The following MYO16 variants were observed in gnomAD, a reference collection of about 807,000 sequenced individuals.
MYO16 encodes unconventional myosin-XVI.
Under a neutral mutation model 205.3 loss-of-function variants are expected in MYO16, and 94 were observed. The observed-to-expected ratio is 0.46, with a 90% CI of 0.39 to 0.54. The LOEUF (loss-of-function observed/expected upper bound fraction) is 0.54, where lower values mean the gene tolerates loss of function less well. MYO16 is among the 20% of genes least tolerant of loss of function. The pLI, the probability that MYO16 is intolerant of heterozygous loss-of-function variation, is 0.00. For missense variants in MYO16, 2,315 were observed against 2,387.5 expected (o/e 0.97, Z 0.63); for synonymous variants, 988 against 954.0 (o/e 1.04, Z -0.66).
At chr13:108,906,228 T>C (rs1230107196) in intron 15 of MYO16, among the ~76,000 whole-genome samples, 1 of 152,208 alleles carries the variant, frequency 6.6e-6, no homozygotes, top group Non-Finnish European at 1.5e-5. Context: ...GGGAGGGATG[T>C]CCAGAGTCCC....
At chr13:108,829,498 A>C (rs1876479393) in intron 9 of MYO16, among the ~76,000 whole-genome samples, 1 of 152,190 alleles carries the variant, frequency 6.6e-6, no homozygotes, top group African/African-American at 2.4e-5. Context: ...GCTGGAAAGA[A>C]CATCTAATAT....
intron 16 of MYO16, among the ~76,000 whole-genome samples, chr13:108,923,581 C>A (rs770091687): frequency 3.3e-5 from 5 of 152,212 alleles, no homozygotes; most frequent in African/African-American, 1.2e-4. Flanking sequence ...CGCTGGCCAG[C>A]GCCTCACTAC....
At position 109,055,585 on chromosome 13, in the gene MYO16, T is replaced by A; in HGVS notation, c.3325T>A (p.Phe1109Ile). ...CCCTGTTCGCCTTTCCTTCTCGGAT[T>A]TCCTGTCAAGGTAAATTCTTCTGCT... is the stretch of plus-strand genomic sequence containing the variant. ...GYPVRLSFSD[F>I]LSRYKPLADT... Residue 1109 changes from phenylalanine to isoleucine, a missense_variant, in exon 27 of 35, where the codon TTC (phenylalanine) becomes ATC (isoleucine). Coordinates refer to ENST00000457511, the MANE Select transcript of MYO16 (RefSeq NM_001198950.3). This position sits in a 1 kb window ranked among gnomAD's most constrained non-coding sequence, Gnocchi z 5.0. The A allele has an allele frequency of 6.2e-7, 1 of 1,609,706 alleles. No homozygotes were observed.
chr13:108,606,663 C>T (rs76678962), intron 1 of MYO16, among the ~76,000 whole-genome samples: 10,843 of 152,072 alleles, frequency 0.071, 814 homozygotes, highest in African/African-American at 0.19. Flanking sequence ...TAGGGCAGTG[C>T]GGAAGGGAAA....
chr13:109,193,102 A>T (rs1025508542), intron 34 of MYO16, among the ~76,000 whole-genome samples: 5 of 149,662 alleles, frequency 3.3e-5, no homozygotes, highest in Admixed American at 2.7e-4. Flanking sequence ...CTTCATACAT[A>T]CTCTCTCTCT....
chr13:108,689,994 T>A (rs987235498), intron 2 of MYO16, among the ~76,000 whole-genome samples: 1 of 152,202 alleles, frequency 6.6e-6, no homozygotes, highest in Non-Finnish European at 1.5e-5. Flanking sequence ...ATGAACCAGC[T>A]CTCATCTGAT....
At chr13:108,755,567 T>C (rs971637820) in intron 4 of MYO16, among the ~76,000 whole-genome samples, 6 of 140,856 alleles carry the variant, frequency 4.3e-5, no homozygotes, top group Non-Finnish European at 7.8e-5. Context: ...AAAAAAAAAA[T>C]CAAAGGCATA....
At chr13:108,704,950 C>CA (rs1555340175) in intron 2 of MYO16, among the ~76,000 whole-genome samples, 11 of 130,616 alleles carry the variant, frequency 8.4e-5, no homozygotes, top group Non-Finnish European at 1.0e-4. Flanking sequence ...AAAAAAAAAA[C>CA]AAAAAAAAAC....
chr13:108,501,977 G>C, the MYO16 span, among the ~76,000 whole-genome samples: 1 of 152,174 alleles, frequency 6.6e-6, no homozygotes. Context: ...ACTTTGGGAG[G>C]CCGAGGCGGG....
At chr13:108,876,019 T>C (rs1879308341) in intron 12 of MYO16, among the ~76,000 whole-genome samples, 1 of 152,174 alleles carries the variant, frequency 6.6e-6, no homozygotes, top group African/African-American at 2.4e-5. Flanking sequence ...TTTTGTCACA[T>C]GAGAGTCTAA....
chr13:108,840,628 C>G (rs1349245169), intron 9 of MYO16, among the ~76,000 whole-genome samples: 1 of 152,174 alleles, frequency 6.6e-6, no homozygotes, highest in African/African-American at 2.4e-5. Context: ...GCCTCGACCT[C>G]ATAGGCCCAA....
At chr13:108,752,041 T>C (rs1885253596) in intron 4 of MYO16, among the ~76,000 whole-genome samples, 2 of 152,188 alleles carry the variant, frequency 1.3e-5, no homozygotes, top group South Asian at 2.1e-4. Flanking sequence ...TTAATTATAA[T>C]AGTTATACCA....
chr13:109,093,075 T>C (rs1034016482), intron 27 of MYO16, among the ~76,000 whole-genome samples: 1 of 152,228 alleles, frequency 6.6e-6, no homozygotes, highest in Non-Finnish European at 1.5e-5. Flanking sequence ...CGTGTTTTTA[T>C]GCTTGAGTCC....
At chr13:109,012,968 GT>G (rs1885654991) in intron 22 of MYO16, among the ~76,000 whole-genome samples, 1 of 148,934 alleles carries the variant, frequency 6.7e-6, no homozygotes, top group Non-Finnish European at 1.5e-5. Flanking sequence ...TTTTGTTTTT[GT>G]TTTTGCTTTT....
chr13:109,165,191 C>A, intron 33 of MYO16, 132 bp downstream of exon 33: 1 of 636,560 alleles, frequency 1.6e-6, no homozygotes, highest in Non-Finnish European at 2.6e-6. Context: ...AACCATGAAA[C>A]TCCCCTGCAA....
In MYO16 at chr13:109,140,714, C is replaced by T. The variant is rs1162873309; in HGVS notation, c.4502C>T (p.Pro1501Leu). 2.0e-6 allele frequency: 3 copies of T among 1,496,168 alleles called. No individual in the cohort carries two copies. Among genetic ancestry groups the T allele is most frequent in the South Asian group, 1.3e-5 (1 of 76,494 alleles). 92.7% of individuals were successfully genotyped at this position (1,496,168 alleles called of 1,614,324 possible). A position where few individuals can be genotyped will look rare whatever the true frequency, so the allele number is the denominator to read the frequency against. ...AGPPGDACDI[P>L]PPFPNLLPHR... ...CCCCCAGGGGACGCGTGCGACATCC[C>T]GCCGCCCTTCCCCAACCTGCTGCCG... Residue 1501 changes from proline to leucine, a missense_variant, in exon 32 of 35, where the codon CCG becomes CTG. By Grantham distance (98) the Pro-to-Leu change is moderately conservative (BLOSUM62 -3). Transcript: ENST00000457511. This position sits in a 1 kb window ranked among gnomAD's most constrained non-coding sequence, Gnocchi z 8.0.
the MYO16 span, among the ~76,000 whole-genome samples, chr13:108,584,516 A>AT: frequency 0.23 from 35,582 of 151,820 alleles, 4,445 homozygotes; most frequent in East Asian, 0.39. Flanking sequence ...GAAATATACA[A>AT]TTTTTTTATT....
At chr13:108,789,702 A>C (rs897697726) in intron 5 of MYO16, among the ~76,000 whole-genome samples, 6 of 152,144 alleles carry the variant, frequency 3.9e-5, no homozygotes, top group African/African-American at 1.4e-4. Context: ...CTCTTAGAAC[A>C]CTTATTATGA....
At chr13:108,796,813 T>C (rs1886805315) in intron 6 of MYO16, among the ~76,000 whole-genome samples, 1 of 146,014 alleles carries the variant, frequency 6.8e-6, no homozygotes, top group Non-Finnish European at 1.5e-5. Flanking sequence ...ATATACCTAA[T>C]GTAAAATGAC....
Sources: gnomAD v4.1 joint callset for allele counts (sites outside exome capture counted in the v4.1 genomes callset) on GRCh38, gnomAD v4.1.1 for gene constraint, Gnocchi (gnomAD v3.1) non-coding constraint, MANE v1.5 for transcripts, NCBI Gene and HGNC (gene_info 2026-07-23, HGNC 2026-07-21) for gene names.